TCIRG1: variants seen among roughly 807,000 people sequenced by gnomAD.
The protein encoded by TCIRG1 is T cell immune regulator 1, ATPase H+ transporting V0 subunit a3.
In TCIRG1, 86 loss-of-function variants were observed where a neutral mutation model predicts 95.5. The ratio of observed to expected loss-of-function variants is 0.90; its 90% CI spans 0.76 to 1.08. The LOEUF is 1.08. Ranked by LOEUF, TCIRG1 falls within the 50% of genes least tolerant of loss-of-function variation. TCIRG1 has a pLI of 0.00. For synonymous variants in TCIRG1, 499 were observed against 501.3 expected, an observed-to-expected ratio of 1.00 and a Z score of 0.06; for missense variants, 1,069 against 1,140.2, an observed-to-expected ratio of 0.94 and a Z score of 0.90.
At chr11:68,048,787 CAG>C (rs767143131) in intron 13 of TCIRG1, 90 bp from the exon 14 acceptor site, 50 of 971,846 alleles carry the variant, frequency 5.1e-5, no homozygotes, top group African/African-American at 1.6e-4. Flanking sequence ...AGGGGGAAAA[CAG>C]GGTGGTGAGA....
In TCIRG1 at chr11:68,043,381, G is replaced by A; in HGVS notation, c.514G>A (p.Gly172Ser). 1 of 1,539,888 alleles carries A rather than the reference G, an allele frequency of 6.5e-7. No homozygotes were observed. The highest frequency in any genetic ancestry group is 2.4e-5 in the East Asian group (1 of 40,910). ...HQDLRVNFVAGAVEPHKAPAL... is the reference protein window; with the variant it reads ...HQDLRVNFVASAVEPHKAPAL... ...CCCCGTGGCCGCCAGCTTTGTGGCAGGTGCCGTGGAGCCCCACAAGGCCCC... is the reference window on the plus strand; with the variant it reads ...CCCCGTGGCCGCCAGCTTTGTGGCAAGTGCCGTGGAGCCCCACAAGGCCCC... The change falls in exon 6 of 20, where the codon GGT (glycine) becomes AGT (serine). Residue 172 changes from glycine to serine, a missense_variant. Gly to Ser is a moderately conservative substitution (Grantham distance 56). Transcript: ENST00000265686.
In TCIRG1 at chr11:68,042,715, C is replaced by T. The variant is rs908094911; in HGVS notation, c.269C>T (p.Pro90Leu). ...PPPKGRLPAP[P>L]PRDLLRIQEE... ...CCAAAGGGGAGGCTGCCGGCACCCC[C>T]ACCCCGGGACCTGCTGCGCATCCAG... The change falls in exon 4 of 20, where the codon CCA becomes CTA. Residue 90 changes from proline (P) to leucine (L), a missense_variant. Transcript: ENST00000265686. 16 of 1,546,242 alleles carry T rather than the reference C, an allele frequency of 1.0e-5. No homozygotes were observed. In the South Asian group the frequency reaches 1.8e-4, roughly 17 times the overall value.
rs1171368158 is a variant in TCIRG1 at position 68,043,394 on chromosome 11, C to T, written c.527C>T (p.Pro176Leu). Reference protein sequence around the residue: ...RVNFVAGAVEPHKAPALERLL... With the variant: ...RVNFVAGAVELHKAPALERLL... ...AGCTTTGTGGCAGGTGCCGTGGAGC[C>T]CCACAAGGCCCCTGCCCTAGAGCGC... Residue 176 changes from proline (P) to leucine (L), a missense_variant, in exon 6 of 20, where the codon CCC becomes CTC. Coordinates refer to ENST00000265686, the MANE Select transcript of TCIRG1 (RefSeq NM_006019.4). The T allele has an allele frequency of 1.9e-6, 3 of 1,540,352 alleles. No homozygotes were observed. The highest frequency in any genetic ancestry group is 2.6e-6 in the Non-Finnish European group (3 of 1,146,444).
chr11:68,043,870 T>C lies in TCIRG1; in HGVS notation c.770T>C (p.Leu257Pro). Residue 257 changes from leucine (L) to proline (P), a missense_variant, in exon 8 of 20, where the codon CTG becomes CCG. Coordinates refer to ENST00000265686, the MANE Select transcript of TCIRG1 (RefSeq NM_006019.4). ...CAGGAGGAGGCCCGCCTCGGGGCCC[T>C]GCAGCAGCTGCAACAGCAGAGCCAG... is the stretch of plus-strand genomic sequence containing the variant. ...LQQEEARLGA[L>P]QQLQQQSQEL... 1 of 1,565,720 alleles carries C rather than the reference T, an allele frequency of 6.4e-7. No homozygotes were observed. The highest frequency in any genetic ancestry group is 8.6e-7 in the Non-Finnish European group (1 of 1,156,096).
chr11:68,043,788 C>T lies in TCIRG1; in HGVS notation c.714-26C>T, dbSNP rs528519412. On this transcript the variant is annotated intron_variant, in intron 7 of 19. Coordinates refer to ENST00000265686, the MANE Select transcript of TCIRG1 (RefSeq NM_006019.4). The stretch of plus-strand genomic sequence containing the variant: ...GTCTCGTAGCTGTGTCCTTCTGGCC[C>T]CTCACGCAGCGCATCCTCCCTCCAG... 1.0e-5 allele frequency: 16 copies of T among 1,553,844 alleles called. No homozygotes were observed. The African/African-American group carries it at 2.0e-4, about 20-fold the overall frequency.
chr11:68,043,669 C>T lies in TCIRG1; in HGVS notation c.713+16C>T. 6.3e-7 allele frequency: 1 copy of T among 1,591,734 alleles called. No individual in the cohort carries two copies. The highest frequency in any genetic ancestry group is 8.6e-7 in the Non-Finnish European group (1 of 1,168,612). Reference sequence around the variant, plus strand: ...TCACGGACTGGTGAGTCACTGGGAACACCCGCCCCACCGCCCTGCTCCCCA... The same window carrying T: ...TCACGGACTGGTGAGTCACTGGGAATACCCGCCCCACCGCCCTGCTCCCCA... On this transcript the variant is annotated intron_variant, in intron 7 of 19. Transcript: ENST00000265686.
Position 68,041,249 on chromosome 11 carries a change from C to T in TCIRG1, c.-4-19C>T, listed in dbSNP as rs1855143616. 2 of 1,556,948 alleles carry T rather than the reference C, an allele frequency of 1.3e-6. No homozygotes were observed. The highest frequency in any genetic ancestry group is 1.7e-5 in the Admixed American group (1 of 59,930). Reference sequence around the variant, plus strand: ...CTGTGGTCTGCCCCTGACTGGCCCCCATCCGTGTCCACCCACAGGACCATG... The same window carrying T: ...CTGTGGTCTGCCCCTGACTGGCCCCTATCCGTGTCCACCCACAGGACCATG... On this transcript the variant is annotated intron_variant, in intron 1 of 19. Coordinates refer to ENST00000265686, the MANE Select transcript of TCIRG1 (RefSeq NM_006019.4).
rs529387540 is a variant in TCIRG1 at position 68,047,258 on chromosome 11, C to G, written c.1166-175C>G. On this transcript the variant is annotated intron_variant, in intron 10 of 19. Coordinates refer to ENST00000265686, the MANE Select transcript of TCIRG1 (RefSeq NM_006019.4). ...ACTCCTGACCTCGGGTGATGCCCCC[C>G]CCCCCCCCCGTCTCGGCCTCCCAGA... Among the ~76,000 whole-genome samples, 6 of 99,372 alleles carry G rather than the reference C, an allele frequency of 6.0e-5. 2 individuals are homozygous for G. The highest frequency in any genetic ancestry group is 2.0e-4 in the African/African-American group (5 of 24,732). The allele number at this position is 99,372 out of a possible 152,430, so 65.2% of individuals were successfully genotyped here.
At chr11:68,048,047 C>A in intron 13 of TCIRG1, 75 bp downstream of exon 13, 1 of 1,347,386 alleles carries the variant, frequency 7.4e-7, no homozygotes, top group Non-Finnish European at 1.1e-6. Flanking sequence ...CTCGGTTCAG[C>A]CGTCCTGCAG....
chr11:68,043,862 C>A lies in TCIRG1; in HGVS notation c.762C>A (p.Leu254=). 2 of 1,569,324 alleles carry A rather than the reference C, an allele frequency of 1.3e-6. No homozygotes were observed. Among genetic ancestry groups the A allele is most frequent in the East Asian group, 2.4e-5 (1 of 42,510 alleles). Residue 254 remains leucine, a synonymous_variant, in exon 8 of 20, where the codon CTC becomes CTA. Coordinates refer to ENST00000265686, the MANE Select transcript of TCIRG1 (RefSeq NM_006019.4). ...FPFLQQEEAR[L]GALQQLQQQS... The stretch of plus-strand genomic sequence containing the variant: ...TTCTGCAGCAGGAGGAGGCCCGCCT[C>A]GGGGCCCTGCAGCAGCTGCAACAGC...
chr11:68,049,793 G>T lies in TCIRG1; in HGVS notation c.2013+5G>T. 6.4e-7 allele frequency: 1 copy of T among 1,567,816 alleles called. No individual in the cohort carries two copies. Among genetic ancestry groups the T allele is most frequent in the East Asian group, 2.3e-5 (1 of 43,728 alleles). On this transcript the variant is annotated splice_donor_5th_base_variant and intron_variant, in intron 16 of 19. Coordinates refer to ENST00000265686, the MANE Select transcript of TCIRG1 (RefSeq NM_006019.4). The stretch of plus-strand genomic sequence containing the variant: ...AGGAGGCCCGCTGACCGACAGGTGG[G>T]ACCGGGGCCTAAGGTGTGGGGGGCT...
chr11:68,049,739 T>A lies in TCIRG1; in HGVS notation c.1964T>A (p.Leu655Gln). 6.3e-7 allele frequency: 1 copy of A among 1,583,702 alleles called. No individual in the cohort carries two copies. ...CTGCTGCTTGGCACACCCCTGCACC[T>A]GCTGCACCGCCACCGCCGCCGCCTG... ...PILLLGTPLHLLHRHRRRLRR... is the reference protein window; with the variant it reads ...PILLLGTPLHQLHRHRRRLRR... Residue 655 changes from leucine (L) to glutamine (Q), a missense_variant, in exon 16 of 20, where the codon CTG (leucine) becomes CAG (glutamine). Transcript: ENST00000265686.
downstream of TCIRG1, among the ~76,000 whole-genome samples, chr11:68,051,416 C>T (rs568240683): frequency 2.2e-4 from 33 of 152,360 alleles, no homozygotes; most frequent in African/African-American, 7.7e-4. Flanking sequence ...CTCCCCTCAC[C>T]TGAGACTACA....
At chr11:68,053,257 C>G (rs1261535894), downstream of TCIRG1, 1 of 152,274 alleles carries the variant, frequency 6.6e-6, no homozygotes, top group Non-Finnish European at 1.5e-5. Flanking sequence ...CTCACACTGC[C>G]CCCGTGGCCA....
chr11:68,040,464 G>A (rs967289055), intron 1 of TCIRG1, among the ~76,000 whole-genome samples: 1 of 152,240 alleles, frequency 6.6e-6, no homozygotes, highest in African/African-American at 2.4e-5. Context: ...AGACCCAGGG[G>A]AGGAAGTGAC....
Position 68,043,398 on chromosome 11 carries a change from C to T in TCIRG1, c.531C>T (p.His177=). 1.3e-6 allele frequency: 2 copies of T among 1,540,942 alleles called. No individual in the cohort carries two copies. The highest frequency in any genetic ancestry group is 1.7e-6 in the Non-Finnish European group (2 of 1,146,526). Residue 177 remains histidine, a synonymous_variant, in exon 6 of 20, where the codon CAC becomes CAT. Coordinates refer to ENST00000265686, the MANE Select transcript of TCIRG1 (RefSeq NM_006019.4). ...VNFVAGAVEP[H]KAPALERLLW... ...TTGTGGCAGGTGCCGTGGAGCCCCA[C>T]AAGGCCCCTGCCCTAGAGCGCCTGC...
At position 68,047,762 on chromosome 11, in the gene TCIRG1, C is replaced by T. The variant is rs199914625; in HGVS notation, c.1421C>T (p.Ser474Leu). The T allele has an allele frequency of 1.7e-5, 27 of 1,613,216 alleles. 1 individual carries two copies. The highest frequency in any genetic ancestry group is 8.9e-5 in the East Asian group (4 of 44,868). ...AGTCGCGCCACCAGCATCTTCCCCT[C>T]GGGCTGGAGTGTGGCCGCCATGGCC... The part of the protein sequence containing the change: ...CFSRATSIFP[S>L]GWSVAAMANQ... Residue 474 changes from serine to leucine, a missense_variant, in exon 12 of 20, where the codon TCG becomes TTG. Transcript: ENST00000265686.
In TCIRG1 at chr11:68,047,690, T is replaced by C; in HGVS notation, c.1349T>C (p.Met450Thr). The change falls in exon 12 of 20, where the codon ATG becomes ACG. Residue 450 changes from methionine to threonine, a missense_variant. Transcript: ENST00000265686. ...AGGGGCCGCTACCTGCTCCTGCTTATGGGCCTGTTCTCCATCTACACCGGC... is the reference window on the plus strand; with the variant it reads ...AGGGGCCGCTACCTGCTCCTGCTTACGGGCCTGTTCTCCATCTACACCGGC... ...FFRGRYLLLL[M>T]GLFSIYTGFI... The C allele has an allele frequency of 1.2e-6, 2 of 1,612,670 alleles. No individual in the cohort carries two copies. The highest frequency in any genetic ancestry group is 1.7e-6 in the Non-Finnish European group (2 of 1,179,650).
Position 68,043,852 on chromosome 11 carries a change from A to T in TCIRG1, c.752A>T (p.Glu251Val). 1 of 1,559,036 alleles carries T rather than the reference A, an allele frequency of 6.4e-7. No individual in the cohort carries two copies. Among genetic ancestry groups the T allele is most frequent in the Middle Eastern group, 1.8e-4 (1 of 5,708 alleles). ...GTCTTCCCGTTTCTGCAGCAGGAGG[A>T]GGCCCGCCTCGGGGCCCTGCAGCAG... ...CHVFPFLQQE[E>V]ARLGALQQLQ... The change falls in exon 8 of 20, where the codon GAG becomes GTG. Residue 251 changes from glutamate (E) to valine (V), a missense_variant. Physicochemically the swap from Glu to Val is moderately radical, Grantham distance 121. Transcript: ENST00000265686.
Sources: allele counts gnomAD v4.1 joint callset (sites outside exome capture counted in the v4.1 genomes callset), GRCh38; gene constraint gnomAD v4.1.1; transcripts MANE v1.5; gene names NCBI Gene and HGNC (gene_info 2026-07-23, HGNC 2026-07-21).